C8orf34: variants seen among roughly 807,000 people sequenced by gnomAD.
C8orf34 encodes chromosome 8 open reading frame 34, also known as uncharacterized protein C8orf34.
C8orf34 carries 65 observed loss-of-function variants against 68.3 expected under a neutral mutation model. The observed-to-expected ratio is 0.95, with a 90% CI of 0.78 to 1.17. The LOEUF is 1.17. C8orf34 is among the 50% of genes most tolerant of loss of function. The pLI is 0.00. For synonymous variants in C8orf34, 244 were observed against 241.2 expected (o/e 1.01, Z -0.11); for missense variants, 664 against 655.4 (o/e 1.01, Z -0.14).
intron 5 of C8orf34, among the ~76,000 whole-genome samples, chr8:68,505,035 G>T (rs1480241735): frequency 6.6e-6 from 1 of 151,746 alleles, no homozygotes; most frequent in Non-Finnish European, 1.5e-5. Context: ...GGCTAGTCTC[G>T]AACTCTTGAC....
chr8:68,618,086 A>G (rs1182126880), intron 7 of C8orf34, among the ~76,000 whole-genome samples: 1 of 152,000 alleles, frequency 6.6e-6, no homozygotes, highest in Non-Finnish European at 1.5e-5. Context: ...TTCAAATCTT[A>G]CTATCATCTT....
intron 1 of C8orf34, among the ~76,000 whole-genome samples, chr8:68,349,534 T>C (rs1806422429): frequency 6.6e-6 from 1 of 151,866 alleles, no homozygotes; most frequent in African/African-American, 2.4e-5. Flanking sequence ...TGTTGGGAAA[T>C]ATTCCAGTAG....
At chr8:68,503,838 G>A (rs1813888109) in intron 5 of C8orf34, among the ~76,000 whole-genome samples, 1 of 152,054 alleles carries the variant, frequency 6.6e-6, no homozygotes, top group African/African-American at 2.4e-5. Flanking sequence ...CCATACTATA[G>A]TGTTAGACCC....
intron 1 of C8orf34, among the ~76,000 whole-genome samples, chr8:68,370,801 T>C (rs561727326): frequency 6.6e-6 from 1 of 152,314 alleles, no homozygotes; most frequent in South Asian, 2.1e-4. Context: ...TCCAGCTCAA[T>C]ATAATGTTAT....
intron 7 of C8orf34, among the ~76,000 whole-genome samples, chr8:68,568,959 G>T (rs1201756266): frequency 1.3e-5 from 2 of 152,192 alleles, no homozygotes; most frequent in African/African-American, 2.4e-5. Context: ...GCATGGCTTT[G>T]TTCCAATAAA....
At chr8:68,594,989 T>C (rs1313509441) in intron 7 of C8orf34, among the ~76,000 whole-genome samples, 1 of 152,058 alleles carries the variant, frequency 6.6e-6, no homozygotes, top group African/African-American at 2.4e-5. Context: ...TGCATATTTT[T>C]ATCTTTTCCT....
At chr8:68,772,119 T>C (rs1328684268) in intron 10 of C8orf34, among the ~76,000 whole-genome samples, 1 of 152,186 alleles carries the variant, frequency 6.6e-6, no homozygotes, top group African/African-American at 2.4e-5. Flanking sequence ...GAATGCTCTG[T>C]AGGTTAGAAT....
At chr8:68,434,938 A>C (rs955189514) in intron 1 of C8orf34, among the ~76,000 whole-genome samples, 29 of 151,832 alleles carry the variant, frequency 1.9e-4, no homozygotes, top group African/African-American at 7.0e-4. Flanking sequence ...AATCCCAGCT[A>C]CTCAGGAGGC....
intron 8 of C8orf34, among the ~76,000 whole-genome samples, chr8:68,679,387 A>G (rs1820294971): frequency 6.6e-6 from 1 of 152,180 alleles, no homozygotes. Flanking sequence ...AAAGGTCTCT[A>G]CAATAAAAAC....
intron 8 of C8orf34, among the ~76,000 whole-genome samples, chr8:68,642,848 G>T (rs1819053015): frequency 1.3e-5 from 2 of 152,162 alleles, no homozygotes; most frequent in South Asian, 4.1e-4. Flanking sequence ...TTTTGAGATA[G>T]AACTGTTCCA....
chr8:68,386,881 C>A (rs1298138499), intron 1 of C8orf34, among the ~76,000 whole-genome samples: 2 of 152,010 alleles, frequency 1.3e-5, no homozygotes, highest in African/African-American at 4.8e-5. Context: ...ATAGCCCTCC[C>A]CCAGCCGTGA....
At chr8:68,623,334 G>A (rs188927850) in intron 7 of C8orf34, among the ~76,000 whole-genome samples, 19 of 152,160 alleles carry the variant, frequency 1.2e-4, no homozygotes, top group Non-Finnish European at 2.1e-4. Context: ...ACCTAGCACC[G>A]TTTACATTTT....
chr8:68,724,330 T>C (rs1821765672), intron 10 of C8orf34, among the ~76,000 whole-genome samples: 1 of 152,172 alleles, frequency 6.6e-6, no homozygotes, highest in African/African-American at 2.4e-5. Flanking sequence ...TCAAAGCAAA[T>C]TTTGAGTCAT....
intron 7 of C8orf34, among the ~76,000 whole-genome samples, chr8:68,590,065 AAAG>A (rs1277334983): frequency 6.6e-6 from 1 of 151,244 alleles, no homozygotes; most frequent in African/African-American, 2.4e-5. Context: ...GAAAACAAGA[AAAG>A]AAAGAAAGGA....
chr8:68,810,246 G>A (rs975627849), intron 12 of C8orf34, among the ~76,000 whole-genome samples: 6 of 152,168 alleles, frequency 3.9e-5, no homozygotes, highest in Non-Finnish European at 8.8e-5. Flanking sequence ...ACAGGGTCTG[G>A]CTACTACACA....
intron 8 of C8orf34, among the ~76,000 whole-genome samples, chr8:68,677,924 T>G (rs972788538): frequency 2.6e-5 from 4 of 152,040 alleles, no homozygotes; most frequent in African/African-American, 9.7e-5. Flanking sequence ...ATTGCAGAAA[T>G]TCAAAGGATT....
chr8:68,395,458 C>T (rs1808664590), intron 1 of C8orf34, among the ~76,000 whole-genome samples: 2 of 152,018 alleles, frequency 1.3e-5, no homozygotes, highest in South Asian at 4.2e-4. Context: ...ATGGGGCCCC[C>T]TGTTTCTATT....
intron 7 of C8orf34, among the ~76,000 whole-genome samples, chr8:68,538,705 G>C (rs575659688): frequency 1.3e-5 from 2 of 152,172 alleles, no homozygotes; most frequent in South Asian, 4.1e-4. Context: ...AAGAGGTAAA[G>C]CTATATGTTT....
At chr8:68,559,019 TAGAA>T (rs1816340488) in intron 7 of C8orf34, among the ~76,000 whole-genome samples, 1 of 152,212 alleles carries the variant, frequency 6.6e-6, no homozygotes, top group African/African-American at 2.4e-5. Flanking sequence ...GATCTTGAGT[TAGAA>T]AGGTGGGTTT....
Sources: gnomAD v4.1 joint callset for allele counts (sites outside exome capture counted in the v4.1 genomes callset) on GRCh38, gnomAD v4.1.1 for gene constraint, MANE v1.5 for transcripts, NCBI Gene and HGNC (gene_info 2026-07-23, HGNC 2026-07-21) for gene names.